The following MXD1 variants were observed in gnomAD, a reference collection of about 807,000 sequenced individuals.
MXD1 encodes the protein MAX-binding protein.
Under a neutral mutation model 25.7 loss-of-function variants are expected in MXD1, and 9 were observed. That is an observed-to-expected ratio of 0.35 (90% CI 0.21 to 0.61). The LOEUF (loss-of-function observed/expected upper bound fraction) is 0.61. Among genes scored for constraint, MXD1 ranks in the 20% least tolerant of loss-of-function variants. MXD1 has a pLI of 0.75. For missense variants in MXD1, 227 were observed against 292.4 expected (o/e 0.78, Z 1.63); for synonymous variants, 99 against 113.9 (o/e 0.87, Z 0.83).
At position 69,915,424 on chromosome 2, in the gene MXD1, G is replaced by T; in HGVS notation, c.73+21G>T. On this transcript the variant is annotated intron_variant, in intron 1 of 5. Transcript: ENST00000264444. The surrounding 1 kb of genome is among the most constrained non-coding windows in gnomAD (Gnocchi z 5.8). Reference sequence around the variant, plus strand: ...GAGAGGTGCACGGGGACGGGGAGGGGTCCACTCGAAACGAGGCCGGGGGTC... The same window carrying T: ...GAGAGGTGCACGGGGACGGGGAGGGTTCCACTCGAAACGAGGCCGGGGGTC... 7.9e-7 allele frequency: 1 copy of T among 1,268,602 alleles called. No homozygotes were observed. The highest frequency in any genetic ancestry group is 1.0e-6 in the Non-Finnish European group (1 of 997,312). The allele number at this position is 1,268,602 out of a possible 1,614,324, so 78.6% of individuals were successfully genotyped here.
Position 69,915,259 on chromosome 2 carries a change from C to T in MXD1, c.-72C>T, listed in dbSNP as rs184180121. 4.8e-6 allele frequency: 6 copies of T among 1,261,032 alleles called. No homozygotes were observed. In the Admixed American group the frequency reaches 2.1e-4, roughly 43 times the overall value. The allele number at this position is 1,261,032 out of a possible 1,614,324, so 78.1% of individuals were successfully genotyped here. On this transcript the variant is annotated 5_prime_UTR_variant, in exon 1 of 6. Coordinates refer to ENST00000264444, the MANE Select transcript of MXD1 (RefSeq NM_002357.4). The surrounding 1 kb of genome is among the most constrained non-coding windows in gnomAD (Gnocchi z 5.8). ...ACAGCGGGCTCCATAGCGGGCTCCA[C>T]AGCGGTCCGGCGGCGGCAGCGAGCC...
chr2:69,921,807 T>C (rs763729880), intron 3 of MXD1, 42 bp downstream of exon 3: 5 of 1,604,250 alleles, frequency 3.1e-6, no homozygotes, highest in Non-Finnish European at 2.6e-6. Flanking sequence ...GGAGCTTTGT[T>C]GCATTCTCTG....
At chr2:69,933,510 A>G (rs1175284916) in intron 3 of MXD1, among the ~76,000 whole-genome samples, 2 of 152,082 alleles carry the variant, frequency 1.3e-5, no homozygotes, top group African/African-American at 2.4e-5. Flanking sequence ...CTTACAAAAT[A>G]GTAAAGCCCT....
At chr2:69,925,671 A>T (rs893062076) in intron 3 of MXD1, among the ~76,000 whole-genome samples, 7 of 152,324 alleles carry the variant, frequency 4.6e-5, no homozygotes, top group African/African-American at 1.7e-4. Context: ...CCAGTATTAT[A>T]TTATATGAAT....
intron 3 of MXD1, among the ~76,000 whole-genome samples, chr2:69,923,992 T>C (rs536004854): frequency 6.6e-6 from 1 of 152,384 alleles, no homozygotes; most frequent in Non-Finnish European, 1.5e-5. Context: ...GACTTTTGCC[T>C]CTGCAGGAAT....
intron 3 of MXD1, among the ~76,000 whole-genome samples, chr2:69,928,834 G>C (rs2104185951): frequency 6.6e-6 from 1 of 152,124 alleles, no homozygotes; most frequent in East Asian, 1.9e-4. Context: ...TGACAATGCA[G>C]ACAAAAAAAG....
At chr2:69,930,954 T>G (rs974971292) in intron 3 of MXD1, among the ~76,000 whole-genome samples, 1 of 152,172 alleles carries the variant, frequency 6.6e-6, no homozygotes, top group Non-Finnish European at 1.5e-5. Flanking sequence ...CTACACAGAG[T>G]TAAGTAATTT....
At chr2:69,938,061 T>A in intron 5 of MXD1, 36 bp from the exon 6 acceptor site, 1 of 1,601,090 alleles carries the variant, frequency 6.2e-7, no homozygotes, top group South Asian at 1.1e-5. Flanking sequence ...TGCAGAGCGC[T>A]TTCATCAATG....
chr2:69,935,608 T>C (rs1381743571), intron 4 of MXD1, 143 bp downstream of exon 4: 3 of 643,518 alleles, frequency 4.7e-6, no homozygotes, highest in Non-Finnish European at 8.6e-6. Flanking sequence ...ATGCAACATA[T>C]TCAAAACCCA....
intron 3 of MXD1, among the ~76,000 whole-genome samples, chr2:69,928,703 C>CAA (rs35921399): frequency 1.9e-4 from 24 of 128,146 alleles, no homozygotes; most frequent in African/African-American, 6.1e-4. Context: ...CCATCTGTAC[C>CAA]AAAAAAAAAA....
At chr2:69,935,493 A>G in intron 4 of MXD1, 28 bp downstream of exon 4, 2 of 1,461,400 alleles carry the variant, frequency 1.4e-6, no homozygotes. Context: ...ATGCTGCTTT[A>G]TCTTTACCTG....
At chr2:69,932,793 TC>T (rs1302064607) in intron 3 of MXD1, among the ~76,000 whole-genome samples, 2 of 152,224 alleles carry the variant, frequency 1.3e-5, no homozygotes, top group Non-Finnish European at 2.9e-5. Flanking sequence ...CACACTCATA[TC>T]TGCATATAAA....
rs561738366 is a variant in MXD1, at chr2:69,929,048, C to T, written c.204-6303C>T. On this transcript the variant is annotated intron_variant, in intron 3 of 5. Coordinates refer to ENST00000264444, the MANE Select transcript of MXD1 (RefSeq NM_002357.4). ...AGCTGGGATTACAGATGTGTGCCAC[C>T]GCACCTGGCTAATTTTTGTATTGTT... is the stretch of plus-strand genomic sequence containing the variant. 1.0e-3 allele frequency among the ~76,000 whole-genome samples: 155 copies of T among 152,204 alleles called. No individual in the cohort carries two copies. In the East Asian group the frequency reaches 0.011, roughly 11 times the overall value.
At chr2:69,921,811 T>G (rs1558568287) in intron 3 of MXD1, 46 bp downstream of exon 3, 3 of 1,602,332 alleles carry the variant, frequency 1.9e-6, no homozygotes, top group Admixed American at 3.4e-5. Flanking sequence ...CTTTGTTGCA[T>G]TCTCTGTTCA....
At chr2:69,919,301 G>C (rs1329009408) in intron 2 of MXD1, among the ~76,000 whole-genome samples, 1 of 151,920 alleles carries the variant, frequency 6.6e-6, no homozygotes, top group Non-Finnish European at 1.5e-5. Flanking sequence ...AGTTAAAGAG[G>C]GTAATCTCAA....
chr2:69,926,848 C>T (rs1327261849), intron 3 of MXD1, among the ~76,000 whole-genome samples: 1 of 152,156 alleles, frequency 6.6e-6, no homozygotes, highest in Non-Finnish European at 1.5e-5. Flanking sequence ...AAGCTACAGC[C>T]AATAGGTCAG....
At chr2:69,937,434 C>A (rs1385418456) in intron 5 of MXD1, 40 bp downstream of exon 5, 2 of 1,518,380 alleles carry the variant, frequency 1.3e-6, no homozygotes, top group Non-Finnish European at 1.7e-6. Flanking sequence ...CCCTTGTGCT[C>A]CCCAACCCCA....
chr2:69,916,144 A>G lies in MXD1; in HGVS notation c.97A>G (p.Met33Val), dbSNP rs1410253718. Residue 33 changes from methionine to valine, a missense_variant, in exon 2 of 6, where the codon ATG becomes GTG. Coordinates refer to ENST00000264444, the MANE Select transcript of MXD1 (RefSeq NM_002357.4). ...EREAEHGYAS[M>V]LPYNNKDRDA... The stretch of plus-strand genomic sequence containing the variant: ...AGAAGCTGAACATGGTTATGCCTCC[A>G]TGTTACCATACAATAACAAGGACAG... 3.7e-6 allele frequency: 6 copies of G among 1,612,398 alleles called. No homozygotes were observed. Among genetic ancestry groups the G allele is most frequent in the East Asian group, 2.2e-5 (1 of 44,850 alleles).
At chr2:69,920,622 GA>G (rs939058785) in intron 2 of MXD1, among the ~76,000 whole-genome samples, 2 of 152,150 alleles carry the variant, frequency 1.3e-5, no homozygotes, top group Non-Finnish European at 2.9e-5. Context: ...TGATTGCTGT[GA>G]GAATTTATTT....
Sources: gnomAD v4.1 joint callset for allele counts (sites outside exome capture counted in the v4.1 genomes callset) on GRCh38, gnomAD v4.1.1 for gene constraint, Gnocchi (gnomAD v3.1) non-coding constraint, MANE v1.5 for transcripts, NCBI Gene and HGNC (gene_info 2026-07-23, HGNC 2026-07-21) for gene names.